The following FARP2 variants were observed in gnomAD, a reference collection of about 807,000 sequenced individuals.
FARP2 encodes FERM, ARH/RhoGEF and pleckstrin domain protein 2.
In FARP2, 111 loss-of-function variants were observed where a neutral mutation model predicts 130.5. That is an observed-to-expected ratio of 0.85 (90% confidence interval 0.73 to 1.00). FARP2 has a LOEUF of 1.00. FARP2 is among the 50% of genes least tolerant of loss of function. The pLI is 0.00. For synonymous variants in FARP2, 504 were observed against 516.9 expected, an observed-to-expected ratio of 0.98 and a Z score of 0.34; for missense variants, 1,385 against 1,346.3, an observed-to-expected ratio of 1.03 and a Z score of -0.45.
At chr2:241,489,930 C>T in intron 21 of FARP2, 32 bp from the exon 22 acceptor site, 1 of 1,495,148 alleles carries the variant, frequency 6.7e-7, no homozygotes, top group Non-Finnish European at 9.3e-7. Flanking sequence ...CCTTCTTGGC[C>T]ACAAGACTTG....
At chr2:241,424,503 A>G (rs1319055260) in intron 8 of FARP2, among the ~76,000 whole-genome samples, 3 of 152,238 alleles carry the variant, frequency 2.0e-5, no homozygotes, top group Admixed American at 2.0e-4. Flanking sequence ...CACATCAAAA[A>G]GCTAGAAAGA....
intron 9 of FARP2, 52 bp downstream of exon 9, chr2:241,431,826 A>AT (rs781635696): frequency 6.9e-4 from 462 of 673,390 alleles, no homozygotes; most frequent in Middle Eastern, 9.6e-4. Context: ...TTATTTATTT[A>AT]TTTATTTTTT....
At chr2:241,438,621 G>GTT (rs374807842) in intron 12 of FARP2, among the ~76,000 whole-genome samples, 72 of 139,798 alleles carry the variant, frequency 5.2e-4, no homozygotes, top group Admixed American at 1.3e-3. Context: ...AAACTCTCTG[G>GTT]TTTTTTTTTT....
Position 241,484,246 on chromosome 2 carries a change from C to A in FARP2, c.2336C>A (p.Ser779Ter). 6.2e-7 allele frequency: 1 copy of A among 1,614,094 alleles called. No homozygotes were observed. Among genetic ancestry groups the A allele is most frequent in the South Asian group, 1.1e-5 (1 of 91,060 alleles). Residue 779 changes from serine to a stop codon, truncating the protein, a stop_gained, in exon 21 of 27, where the codon TCA becomes TAA. Coordinates refer to ENST00000264042, the MANE Select transcript of FARP2 (RefSeq NM_014808.4). LOFTEE classifies it high-confidence loss of function. The stretch of plus-strand genomic sequence containing the variant: ...GTAAAGCTTGCTGCTTCTCAGTTCT[C>A]AGATATGTTGCTGTACACAAGCAAA... ...GLQQRMFFLF[S>*]DMLLYTSKGV...
chr2:241,425,479 A>G (rs1035067668), intron 8 of FARP2, among the ~76,000 whole-genome samples: 1 of 152,002 alleles, frequency 6.6e-6, no homozygotes, highest in Non-Finnish European at 1.5e-5. Flanking sequence ...TCCCAGGAAG[A>G]AGAGAGAAAG....
At chr2:241,375,341 G>T (rs1041129268) in intron 2 of FARP2, among the ~76,000 whole-genome samples, 1 of 151,876 alleles carries the variant, frequency 6.6e-6, no homozygotes, top group African/African-American at 2.4e-5. Flanking sequence ...CTTGTAATAG[G>T]TGCAAAATTT....
At position 241,487,950 on chromosome 2, in the gene FARP2, G is replaced by A. The variant is rs572451620; in HGVS notation, c.2422-2012G>A. On this transcript the variant is annotated intron_variant, in intron 21 of 26. Coordinates refer to ENST00000264042, the MANE Select transcript of FARP2 (RefSeq NM_014808.4). The stretch of plus-strand genomic sequence containing the variant: ...TTTTTAGTAGAGACGGGGTTTCACC[G>A]TGTTAGGCAGGATGGTCTCGATCTC... 9.9e-5 allele frequency among the ~76,000 whole-genome samples: 15 copies of A among 151,650 alleles called. 1 individual carries two copies. In the South Asian group the frequency reaches 2.5e-3, roughly 25 times the overall value.
chr2:241,398,337 T>A (rs1296837473), intron 2 of FARP2, among the ~76,000 whole-genome samples: 1 of 152,164 alleles, frequency 6.6e-6, no homozygotes, highest in Non-Finnish European at 1.5e-5. Context: ...ATAAATTAGT[T>A]TTGCCAGATC....
intron 1 of FARP2, among the ~76,000 whole-genome samples, chr2:241,364,118 G>T (rs1043605275): frequency 6.6e-6 from 1 of 152,214 alleles, no homozygotes; most frequent in Non-Finnish European, 1.5e-5. Flanking sequence ...TATCCAGGTG[G>T]GCCTTAGGTA....
At chr2:241,371,254 C>T (rs532294056) in intron 1 of FARP2, among the ~76,000 whole-genome samples, 77 of 152,156 alleles carry the variant, frequency 5.1e-4, no homozygotes, top group Non-Finnish European at 1.0e-3. Flanking sequence ...AGGCCAAGGT[C>T]GGAGGATGAG....
intron 1 of FARP2, among the ~76,000 whole-genome samples, chr2:241,365,411 T>C (rs1489754988): frequency 6.6e-6 from 1 of 152,216 alleles, no homozygotes; most frequent in Non-Finnish European, 1.5e-5. Flanking sequence ...ACAATACCAC[T>C]AAAACACTAG....
At chr2:241,436,361 C>A in intron 11 of FARP2, 120 bp from the exon 12 acceptor site, 1 of 813,994 alleles carries the variant, frequency 1.2e-6, no homozygotes, top group Non-Finnish European at 2.1e-6. Flanking sequence ...AGTTAGATAC[C>A]TCTTAGCTAC....
chr2:241,457,927 A>G (rs1036653973), intron 14 of FARP2, among the ~76,000 whole-genome samples: 4 of 150,946 alleles, frequency 2.6e-5, no homozygotes, highest in Non-Finnish European at 6.0e-5. Context: ...GGCCACAGAC[A>G]GGGGTGAGGC....
At chr2:241,430,657 C>CA (rs1349523865) in intron 8 of FARP2, among the ~76,000 whole-genome samples, 1 of 151,950 alleles carries the variant, frequency 6.6e-6, no homozygotes, top group Non-Finnish European at 1.5e-5. Context: ...GAGTGAACTT[C>CA]AAAAAATGTA....
intron 5 of FARP2, among the ~76,000 whole-genome samples, chr2:241,410,502 G>C (rs1052936395): frequency 6.6e-6 from 1 of 150,638 alleles, no homozygotes; most frequent in Admixed American, 6.7e-5. Flanking sequence ...CATGATCTCA[G>C]CTCACTGCAA....
chr2:241,422,413 A>C lies in FARP2; in HGVS notation c.771+4304A>C, dbSNP rs115208812. Among the ~76,000 whole-genome samples, 593 of 152,048 alleles carry C rather than the reference A, an allele frequency of 3.9e-3. 3 individuals carry two copies. The highest frequency in any genetic ancestry group is 0.013 in the African/African-American group (548 of 41,484). On this transcript the variant is annotated intron_variant, in intron 8 of 26. Coordinates refer to ENST00000264042, the MANE Select transcript of FARP2 (RefSeq NM_014808.4). ...GTGAGACCCTGTATCAAAAAAAAAA[A>C]CAGAAAACAACAACAACATGAACCA...
At chr2:241,426,114 G>A (rs1014762983) in intron 8 of FARP2, among the ~76,000 whole-genome samples, 4 of 152,082 alleles carry the variant, frequency 2.6e-5, no homozygotes, top group African/African-American at 9.7e-5. Context: ...AAGGAAATAG[G>A]GTGCTCCACA....
chr2:241,427,263 CTG>C (rs1334778521), intron 8 of FARP2, among the ~76,000 whole-genome samples: 6 of 152,082 alleles, frequency 3.9e-5, no homozygotes, highest in Non-Finnish European at 8.8e-5. Flanking sequence ...ATATATGTGT[CTG>C]TGTAATTTTT....
chr2:241,461,198 A>T (rs780170506), intron 14 of FARP2, among the ~76,000 whole-genome samples: 5 of 151,748 alleles, frequency 3.3e-5, no homozygotes, highest in Non-Finnish European at 7.4e-5. Flanking sequence ...TGCGGCAGTC[A>T]CCCCTCCTGC....
Sources: gnomAD v4.1 joint callset for allele counts (sites outside exome capture counted in the v4.1 genomes callset) on GRCh38, gnomAD v4.1.1 for gene constraint, MANE v1.5 for transcripts, NCBI Gene and HGNC (gene_info 2026-07-23, HGNC 2026-07-21) for gene names.